GRID2: variants seen among roughly 807,000 people sequenced by gnomAD.
GRID2 encodes the protein glutamate ionotropic receptor delta type subunit 2.
A neutral mutation model predicts 114.8 loss-of-function variants in GRID2; 33 were observed. The observed-to-expected ratio is 0.29, with a 90% CI of 0.22 to 0.38. The LOEUF (loss-of-function observed/expected upper bound fraction) is 0.38, where lower values mean the gene tolerates loss of function less well. Among genes scored for constraint, GRID2 ranks in the 10% least tolerant of loss-of-function variants. The probability of loss-of-function intolerance (pLI) is 1.00; values close to 1 mark genes in which losing one functional copy is unlikely to be tolerated. For synonymous variants in GRID2, 505 were observed against 449.9 expected (o/e 1.12, Z -1.55); for missense variants, 1,184 against 1,257.7 (o/e 0.94, Z 0.89).
intron 1 of GRID2, among the ~76,000 whole-genome samples, chr4:92,473,149 A>G (rs761581712): frequency 1.5e-4 from 23 of 152,084 alleles, no homozygotes; most frequent in Admixed American, 7.9e-4. Flanking sequence ...TGAAAAGGCT[A>G]TGCTTTCTTC....
chr4:93,207,286 T>C, intron 4 of GRID2, 118 bp from the exon 5 acceptor site: 1 of 713,236 alleles, frequency 1.4e-6, no homozygotes, highest in Non-Finnish European at 2.4e-6. Flanking sequence ...TTCAATTGAG[T>C]AACAAAGACC....
chr4:92,587,098 C>CTGTGTGGG (rs1553903912), intron 1 of GRID2, among the ~76,000 whole-genome samples: 18 of 133,846 alleles, frequency 1.3e-4, no homozygotes, highest in African/African-American at 4.4e-4. Flanking sequence ...TGATGAAATG[C>CTGTGTGGG]TGTGTGTGTG....
At chr4:93,030,648 G>T (rs1724326817) in intron 2 of GRID2, among the ~76,000 whole-genome samples, 1 of 152,154 alleles carries the variant, frequency 6.6e-6, no homozygotes, top group African/African-American at 2.4e-5. Flanking sequence ...GCCTCCCAAA[G>T]TGCGGGGATT....
chr4:93,777,896 A>C (rs984988793), downstream of GRID2, among the ~76,000 whole-genome samples: 2 of 152,198 alleles, frequency 1.3e-5, no homozygotes, highest in Non-Finnish European at 2.9e-5. Flanking sequence ...CTACTGAAAA[A>C]GTTTAGGAAT....
intron 14 of GRID2, among the ~76,000 whole-genome samples, chr4:93,649,953 A>G (rs998999079): frequency 1.4e-4 from 21 of 152,270 alleles, no homozygotes; most frequent in Admixed American, 1.3e-3. Flanking sequence ...AAAGAATCCT[A>G]CAAGTTTCCT....
chr4:92,473,977 TG>T (rs1722170820), intron 1 of GRID2, among the ~76,000 whole-genome samples: 1 of 150,810 alleles, frequency 6.6e-6, no homozygotes, highest in African/African-American at 2.5e-5. Flanking sequence ...TGTGTGTGTG[TG>T]TGTGTGTGTG....
intron 2 of GRID2, among the ~76,000 whole-genome samples, chr4:92,904,887 A>T (rs1377079380): frequency 6.6e-6 from 1 of 152,040 alleles, no homozygotes; most frequent in Non-Finnish European, 1.5e-5. Flanking sequence ...TTTAGCATGA[A>T]TTCTGGTGGA....
intron 2 of GRID2, among the ~76,000 whole-genome samples, chr4:92,801,743 A>C (rs80131148): frequency 6.6e-6 from 1 of 151,840 alleles, no homozygotes; most frequent in African/African-American, 2.4e-5. Context: ...AAACAGTGCA[A>C]TGCTTAAATA....
intron 1 of GRID2, among the ~76,000 whole-genome samples, chr4:92,362,571 A>G (rs1424952447): frequency 6.6e-6 from 1 of 152,026 alleles, no homozygotes; most frequent in East Asian, 1.9e-4. Context: ...TACACCTATT[A>G]TTTTACATTT....
chr4:93,363,255 G>A (rs760200840), intron 8 of GRID2, among the ~76,000 whole-genome samples: 2 of 152,124 alleles, frequency 1.3e-5, no homozygotes, highest in Non-Finnish European at 2.9e-5. Flanking sequence ...CTTTCATCAG[G>A]ACCTCAATCT....
chr4:92,442,849 C>T (rs1461993375), intron 1 of GRID2, among the ~76,000 whole-genome samples: 100 of 152,042 alleles, frequency 6.6e-4, no homozygotes, highest in African/African-American at 2.2e-3. Flanking sequence ...CCTTTAGCTC[C>T]AGCCACCTTT....
chr4:93,534,691 C>G (rs1009378591), intron 13 of GRID2, among the ~76,000 whole-genome samples: 3 of 151,974 alleles, frequency 2.0e-5, no homozygotes, highest in Non-Finnish European at 2.9e-5. Context: ...CTATGATTTC[C>G]TTTTCTACAG....
chr4:92,454,609 G>A (rs753712891), intron 1 of GRID2, among the ~76,000 whole-genome samples: 2 of 152,112 alleles, frequency 1.3e-5, no homozygotes, highest in African/African-American at 4.8e-5. Context: ...GGCCGAGATC[G>A]GCAGATCACG....
At chr4:93,253,050 C>A (rs1470940267) in intron 8 of GRID2, among the ~76,000 whole-genome samples, 4 of 151,148 alleles carry the variant, frequency 2.6e-5, no homozygotes, top group Non-Finnish European at 4.4e-5. Flanking sequence ...GAGATCGAGA[C>A]CATCCTGGCT....
intron 14 of GRID2, among the ~76,000 whole-genome samples, chr4:93,720,229 C>T (rs776379374): frequency 4.6e-5 from 7 of 152,098 alleles, no homozygotes; most frequent in Non-Finnish European, 1.0e-4. Flanking sequence ...ATAGTTGTAG[C>T]TCTCTATCTC....
At chr4:93,497,113 T>C (rs1560682922) in intron 12 of GRID2, among the ~76,000 whole-genome samples, 1 of 151,718 alleles carries the variant, frequency 6.6e-6, no homozygotes, top group Non-Finnish European at 1.5e-5. Context: ...TTTTAATTTC[T>C]ATTTTATTAT....
chr4:93,615,107 T>C (rs954025481), intron 13 of GRID2, among the ~76,000 whole-genome samples: 2 of 152,208 alleles, frequency 1.3e-5, no homozygotes, highest in African/African-American at 4.8e-5. Flanking sequence ...AAATATACTC[T>C]TAACAAGCAT....
chr4:92,713,120 A>T (rs1239748200), intron 2 of GRID2, among the ~76,000 whole-genome samples: 2 of 151,510 alleles, frequency 1.3e-5, no homozygotes, highest in Non-Finnish European at 2.9e-5. Flanking sequence ...AACATTAGGT[A>T]TATCTCCAAA....
chr4:92,678,156 G>A (rs1733472420), intron 2 of GRID2, among the ~76,000 whole-genome samples: 1 of 151,854 alleles, frequency 6.6e-6, no homozygotes, highest in African/African-American at 2.4e-5. Context: ...TTTTAATTAG[G>A]TCTTCACTGA....
Sources: gnomAD v4.1 joint callset for allele counts (sites outside exome capture counted in the v4.1 genomes callset) on GRCh38, gnomAD v4.1.1 for gene constraint, MANE v1.5 for transcripts, NCBI Gene and HGNC (gene_info 2026-07-23, HGNC 2026-07-21) for gene names.